PCDH15: variants seen among roughly 807,000 people sequenced by gnomAD.
The protein encoded by PCDH15 is protocadherin related 15, also known as protocadherin-15.
In PCDH15, 129 loss-of-function variants were observed where a neutral mutation model predicts 178.5. That is an observed-to-expected ratio of 0.72 (90% CI 0.63 to 0.84). PCDH15 has a LOEUF of 0.84. PCDH15 is among the 40% of genes least tolerant of loss of function. The probability of loss-of-function intolerance (pLI) is 0.00; values close to 1 mark genes in which losing one functional copy is unlikely to be tolerated. For missense variants in PCDH15, 2,230 were observed against 2,099.9 expected (o/e 1.06, Z -1.21); for synonymous variants, 800 against 732.0 (o/e 1.09, Z -1.50).
intron 1 of PCDH15, among the ~76,000 whole-genome samples, chr10:55,235,499 T>A (rs2132204297): frequency 6.6e-6 from 1 of 152,244 alleles, no homozygotes; most frequent in South Asian, 2.1e-4. Flanking sequence ...CAATAGAAAC[T>A]AAATTTAAGA....
chr10:55,046,885 A>AT (rs1466789696), intron 2 of PCDH15, among the ~76,000 whole-genome samples: 1 of 152,018 alleles, frequency 6.6e-6, no homozygotes, highest in East Asian at 1.9e-4. Context: ...AGTAATATAG[A>AT]TCACATCTCA....
chr10:55,025,053 G>A (rs901986581), intron 2 of PCDH15, among the ~76,000 whole-genome samples: 6 of 152,060 alleles, frequency 3.9e-5, no homozygotes, highest in African/African-American at 1.4e-4. Flanking sequence ...CCTTTAGGAG[G>A]CATACAACCT....
In PCDH15 at chr10:54,333,003, G is replaced by T. The variant is rs534228386; in HGVS notation, c.595-3297C>A. On this transcript the variant is annotated intron_variant, in intron 6 of 37. Transcript: ENST00000644397. The stretch of plus-strand genomic sequence containing the variant: ...CTGTCATCCAGGCTTGAGTGCAGTG[G>T]TGCAATCTCAGCTCACTGCAACCTC... Among the ~76,000 whole-genome samples the T allele has an allele frequency of 1.6e-3, 248 of 152,176 alleles. 1 individual carries two copies. Among genetic ancestry groups the T allele is most frequent in the Non-Finnish European group, 2.7e-3 (183 of 68,018 alleles).
chr10:54,761,061 G>T (rs1402754577), intron 1 of PCDH15, among the ~76,000 whole-genome samples: 1 of 152,028 alleles, frequency 6.6e-6, no homozygotes, highest in Non-Finnish European at 1.5e-5. Context: ...GCCTCAAACA[G>T]CATTATTAGG....
chr10:55,271,157 AG>A (rs1274677749), intron 1 of PCDH15, among the ~76,000 whole-genome samples: 1 of 152,054 alleles, frequency 6.6e-6, no homozygotes, highest in African/African-American at 2.4e-5. Flanking sequence ...AGAGGTGGGC[AG>A]GGGGTGAAAA....
At chr10:54,807,632 A>C (rs1952799374) in intron 3 of PCDH15, among the ~76,000 whole-genome samples, 1 of 150,338 alleles carries the variant, frequency 6.7e-6, no homozygotes, top group Non-Finnish European at 1.5e-5. Context: ...AGCCTCTTAG[A>C]TTTCTTGAGT....
chr10:54,146,331 C>T lies in PCDH15; in HGVS notation c.1784+6769G>A, dbSNP rs570782054. 1.5e-4 allele frequency among the ~76,000 whole-genome samples: 23 copies of T among 151,858 alleles called. 1 individual carries two copies. The South Asian group carries it at 3.3e-3, about 22-fold the overall frequency. ...TTATGAAAAGAATGGGAATTTAAAA[C>T]GTATGTTAGCCCATGCATCAGTCAT... On this transcript the variant is annotated intron_variant, in intron 14 of 37. Transcript: ENST00000644397.
At chr10:53,831,643 G>A in intron 29 of PCDH15, 110 bp from the exon 30 acceptor site, 3 of 779,994 alleles carry the variant, frequency 3.8e-6, no homozygotes, top group Non-Finnish European at 4.1e-6. Flanking sequence ...TGAAACACAA[G>A]CTGAGTCAGA....
intron 25 of PCDH15, among the ~76,000 whole-genome samples, chr10:53,930,335 G>T (rs2084937220): frequency 6.6e-6 from 1 of 151,572 alleles, no homozygotes. Flanking sequence ...TCAGGCACCT[G>T]TAGTTCCAGC....
intron 2 of PCDH15, among the ~76,000 whole-genome samples, chr10:55,396,543 T>A (rs1235049398): frequency 6.6e-6 from 1 of 152,116 alleles, no homozygotes; most frequent in African/African-American, 2.4e-5. Flanking sequence ...TGAGGTCTAA[T>A]CGAGACCGGT....
intron 2 of PCDH15, among the ~76,000 whole-genome samples, chr10:55,567,759 C>T (rs760350934): frequency 6.6e-5 from 10 of 151,700 alleles, no homozygotes; most frequent in African/African-American, 1.7e-4. Flanking sequence ...AGTTCATAAG[C>T]GCGATGACTG....
intron 3 of PCDH15, among the ~76,000 whole-genome samples, chr10:54,521,766 C>T (rs2138233207): frequency 6.6e-6 from 1 of 152,222 alleles, no homozygotes; most frequent in South Asian, 2.1e-4. Flanking sequence ...AATGCATTTT[C>T]TGATTTTTTC....
At chr10:54,622,079 T>C (rs551598492) in intron 2 of PCDH15, among the ~76,000 whole-genome samples, 2 of 92,328 alleles carry the variant, frequency 2.2e-5, no homozygotes, top group East Asian at 5.7e-4. Context: ...AGGTGAGTGA[T>C]ATATAGTAAG....
intron 15 of PCDH15, among the ~76,000 whole-genome samples, chr10:54,115,564 T>A (rs1055896474): frequency 9.9e-5 from 15 of 152,212 alleles, no homozygotes; most frequent in Admixed American, 2.6e-4. Flanking sequence ...TGAATATTGA[T>A]GCAGACATAT....
intron 1 of PCDH15, among the ~76,000 whole-genome samples, chr10:55,258,753 GT>G (rs1258346228): frequency 1.1e-5 from 1 of 87,772 alleles, no homozygotes; most frequent in Admixed American, 1.3e-4. Flanking sequence ...GATTTTGTTT[GT>G]CTGCTTTTTT....
chr10:54,824,713 T>A (rs1953097801), intron 3 of PCDH15, among the ~76,000 whole-genome samples: 1 of 152,020 alleles, frequency 6.6e-6, no homozygotes, highest in Non-Finnish European at 1.5e-5. Flanking sequence ...GGAAGACAAA[T>A]GATAGAACTT....
At chr10:54,934,792 C>T (rs1459727906) in intron 2 of PCDH15, among the ~76,000 whole-genome samples, 39 of 151,640 alleles carry the variant, frequency 2.6e-4, no homozygotes, top group African/African-American at 7.7e-4. Flanking sequence ...ATGTTTATTG[C>T]GGCACTATTC....
At chr10:53,893,103 C>T (rs753062452) in intron 26 of PCDH15, among the ~76,000 whole-genome samples, 25 of 151,114 alleles carry the variant, frequency 1.7e-4, no homozygotes, top group Non-Finnish European at 3.1e-4. Flanking sequence ...CTTTGAGTGT[C>T]GGTGGAAAAA....
intron 1 of PCDH15, among the ~76,000 whole-genome samples, chr10:54,775,365 T>G (rs1446747094): frequency 1.3e-5 from 2 of 152,210 alleles, no homozygotes; most frequent in African/African-American, 4.8e-5. Context: ...TATTGACACA[T>G]AATAGTTATA....
Sources: allele counts gnomAD v4.1 joint callset (sites outside exome capture counted in the v4.1 genomes callset), GRCh38; gene constraint gnomAD v4.1.1; transcripts MANE v1.5; gene names NCBI Gene and HGNC (gene_info 2026-07-23, HGNC 2026-07-21).